The following AKAP9 variants were observed in gnomAD, a reference collection of about 807,000 sequenced individuals.
AKAP9 encodes the protein A-kinase anchor protein 9.
Under a neutral mutation model 488.5 loss-of-function variants are expected in AKAP9, and 311 were observed. That is an observed-to-expected ratio of 0.64 (90% CI 0.58 to 0.70). The LOEUF is 0.70. AKAP9 is among the 30% of genes least tolerant of loss of function. The pLI is 0.00. For missense variants in AKAP9, 4,215 were observed against 4,374.5 expected, an observed-to-expected ratio of 0.96 and a Z score of 1.03; for synonymous variants, 1,462 against 1,483.5, an observed-to-expected ratio of 0.99 and a Z score of 0.33.
At chr7:92,041,961 G>A (rs138357355) in intron 18 of AKAP9, 85 bp from the exon 19 acceptor site, 40 of 1,461,130 alleles carry the variant, frequency 2.7e-5, no homozygotes, top group African/African-American at 1.1e-4. Context: ...TGTTGGTCCC[G>A]GGGGTTAAAA....
Position 92,001,997 on chromosome 7 carries a change from CAATT to C in AKAP9, c.2085_2088del (p.Leu695PhefsTer7). The C allele has an allele frequency of 1.2e-6, 2 of 1,611,644 alleles. No individual in the cohort carries two copies. Among genetic ancestry groups the C allele is most frequent in the Non-Finnish European group, 1.7e-6 (2 of 1,179,338 alleles). ...GGACAATTTGATAACTAAGCAGAAT[CAATT>C]AATTTTGGAAATTTCAAAGCTAAAA... On this transcript the variant is annotated frameshift_variant, in exon 8 of 50. Transcript: ENST00000356239. LOFTEE classifies it high-confidence loss of function.
chr7:92,096,617 G>A (rs529608039), intron 40 of AKAP9, 72 bp from the exon 41 acceptor site: 466 of 1,583,206 alleles, frequency 2.9e-4, no homozygotes, highest in Non-Finnish European at 3.6e-4. Flanking sequence ...GATTACAGGC[G>A]TGAGCCACCA....
At chr7:92,026,164 T>C (rs1803072616) in intron 14 of AKAP9, among the ~76,000 whole-genome samples, 2 of 152,166 alleles carry the variant, frequency 1.3e-5, no homozygotes, top group South Asian at 2.1e-4. Context: ...GTACATCATA[T>C]AAATAGGAAA....
intron 38 of AKAP9, chr7:92,092,281 G>A (rs1815765077): frequency 6.6e-6 from 1 of 152,094 alleles, no homozygotes; most frequent in Non-Finnish European, 1.5e-5. Flanking sequence ...ATAAAAGGAC[G>A]GTATCCAAAG....
At chr7:92,081,368 A>T (rs1813521674) in intron 31 of AKAP9, among the ~76,000 whole-genome samples, 1 of 149,802 alleles carries the variant, frequency 6.7e-6, no homozygotes, top group South Asian at 2.1e-4. Flanking sequence ...CAGTGGTGTG[A>T]TCTCAGCTCA....
At chr7:91,990,410 T>A (rs559937591) in intron 3 of AKAP9, among the ~76,000 whole-genome samples, 1 of 152,244 alleles carries the variant, frequency 6.6e-6, no homozygotes, top group East Asian at 1.9e-4. Flanking sequence ...TGGAATATAG[T>A]GTGTTTTAGT....
chr7:92,064,193 G>C (rs891694052), intron 24 of AKAP9, among the ~76,000 whole-genome samples: 1 of 152,020 alleles, frequency 6.6e-6, no homozygotes, highest in African/African-American at 2.4e-5. Flanking sequence ...GGTAGCAAAA[G>C]GATCAGTGAA....
In AKAP9 at chr7:92,107,401, C is replaced by T. The variant is rs936516286; in HGVS notation, c.11525C>T (p.Ser3842Phe). 6 of 1,613,648 alleles carry T rather than the reference C, an allele frequency of 3.7e-6. No homozygotes were observed. Among genetic ancestry groups the T allele is most frequent in the East Asian group, 2.2e-5 (1 of 44,840 alleles). The stretch of plus-strand genomic sequence containing the variant: ...AGATCAGATCTGGACTATATTAGGT[C>T]CCCTTTACCATTTCAGAATAGGTAA... The part of the protein sequence containing the change: ...RSRSDLDYIR[S>F]PLPFQNRYPG... Residue 3842 changes from serine to phenylalanine, a missense_variant, in exon 48 of 50, where the codon TCC becomes TTC. Coordinates refer to ENST00000356239, the MANE Select transcript of AKAP9 (RefSeq NM_005751.5).
rs1043199037 is a variant in AKAP9, at chr7:92,071,085, A to C, written c.6612+76A>C. Reference sequence around the variant, plus strand: ...CAGTTACCTTGAAAATATTATTTGAACTGAATGTAGTTTATGATCTAAAAC... The same window carrying C: ...CAGTTACCTTGAAAATATTATTTGACCTGAATGTAGTTTATGATCTAAAAC... On this transcript the variant is annotated intron_variant, in intron 28 of 49. Transcript: ENST00000356239. 3.7e-6 allele frequency: 5 copies of C among 1,368,412 alleles called. No homozygotes were observed. The Admixed American group carries it at 8.8e-5, about 24-fold the overall frequency. The allele number at this position is 1,368,412 out of a possible 1,614,324, so 84.8% of individuals were successfully genotyped here. A position where few individuals can be genotyped will look rare whatever the true frequency, so the allele number is the denominator to read the frequency against.
At chr7:91,941,370 A>C (rs968288130) in intron 1 of AKAP9, among the ~76,000 whole-genome samples, 4 of 152,214 alleles carry the variant, frequency 2.6e-5, no homozygotes, top group African/African-American at 7.2e-5. Context: ...GCGAGGATTG[A>C]ATATTGTGGC....
rs764371962 is a variant in AKAP9, at chr7:92,097,812, G to C, written c.10607+18G>C. ...TCTGAGAGGTTAGACTTTTCTGCCT[G>C]ATCTTTGGGAAAGTAGTATTCTTAG... On this transcript the variant is annotated intron_variant, in intron 42 of 49. Coordinates refer to ENST00000356239, the MANE Select transcript of AKAP9 (RefSeq NM_005751.5). 2.5e-6 allele frequency: 4 copies of C among 1,611,562 alleles called. No homozygotes were observed. In the African/African-American group the frequency reaches 5.3e-5, roughly 22 times the overall value.
intron 1 of AKAP9, among the ~76,000 whole-genome samples, chr7:91,952,146 T>G (rs1792335612): frequency 6.6e-6 from 1 of 152,212 alleles, no homozygotes; most frequent in African/African-American, 2.4e-5. Context: ...GCCTCTACTT[T>G]ATGCAAGTCA....
At position 92,068,378 on chromosome 7, in the gene AKAP9, A is replaced by G. The variant is rs183621875; in HGVS notation, c.6331-1652A>G. ...AAGACTCCGTCTCAAAAAAAAAAAA[A>G]AAAAAAAAAGAAAAAAGTTATCCAC... On this transcript the variant is annotated intron_variant, in intron 26 of 49. Coordinates refer to ENST00000356239, the MANE Select transcript of AKAP9 (RefSeq NM_005751.5). Among the ~76,000 whole-genome samples, 27 of 151,498 alleles carry G rather than the reference A, an allele frequency of 1.8e-4. No individual in the cohort carries two copies. The East Asian group carries it at 5.0e-3, about 28-fold the overall frequency.
At chr7:92,046,088 C>T (rs979175760) in intron 21 of AKAP9, among the ~76,000 whole-genome samples, 47 of 152,094 alleles carry the variant, frequency 3.1e-4, no homozygotes, top group African/African-American at 1.1e-3. Flanking sequence ...CCTGGTTTGG[C>T]CTCCCAAAGT....
rs1269479814 is a variant in AKAP9, at chr7:92,070,158, AAG to A, written c.6463_6464del (p.Glu2155ThrfsTer27). The A allele has an allele frequency of 1.9e-6, 3 of 1,614,040 alleles. No homozygotes were observed. The highest frequency in any genetic ancestry group is 2.5e-6 in the Non-Finnish European group (3 of 1,180,008). Reference sequence around the variant, plus strand: ...AAATAGAGAAACTGGAGTTCAGAGTAAGAGAACTGGAGCAGGCGCTTCTTGTG... The same window carrying A: ...AAATAGAGAAACTGGAGTTCAGAGTAAGAACTGGAGCAGGCGCTTCTTGTG... ...EEIEKLEFRV[R>X]ELEQALLVSA... On this transcript the variant is annotated frameshift_variant, in exon 27 of 50. Coordinates refer to ENST00000356239, the MANE Select transcript of AKAP9 (RefSeq NM_005751.5). LOFTEE classifies it high-confidence loss of function.
chr7:92,102,469 CT>C, intron 45 of AKAP9, 124 bp from the exon 46 acceptor site: 2 of 688,438 alleles, frequency 2.9e-6, no homozygotes, highest in Non-Finnish European at 5.2e-6. Context: ...ACTACTACTA[CT>C]ACTACTACTA....
chr7:92,000,711 G>A (rs1799045557), intron 7 of AKAP9, 137 bp from the exon 8 acceptor site: 2 of 524,286 alleles, frequency 3.8e-6, no homozygotes, highest in Non-Finnish European at 6.6e-6. Flanking sequence ...AAAAATTGAG[G>A]GGCAGGACCA....
At chr7:92,106,730 T>C (rs1053821541) in intron 47 of AKAP9, among the ~76,000 whole-genome samples, 1 of 152,196 alleles carries the variant, frequency 6.6e-6, no homozygotes, top group African/African-American at 2.4e-5. Flanking sequence ...ATCCCTGTGC[T>C]GTGTATTCAT....
intron 21 of AKAP9, among the ~76,000 whole-genome samples, chr7:92,049,300 C>G (rs1485166817): frequency 6.6e-6 from 1 of 152,046 alleles, no homozygotes; most frequent in African/African-American, 2.4e-5. Context: ...ATTTTTCCCT[C>G]CAAGACTGGT....
Sources: gnomAD v4.1 joint callset for allele counts (sites outside exome capture counted in the v4.1 genomes callset) on GRCh38, gnomAD v4.1.1 for gene constraint, MANE v1.5 for transcripts, NCBI Gene and HGNC (gene_info 2026-07-23, HGNC 2026-07-21) for gene names.